CACNA2D1: variants seen among roughly 807,000 people sequenced by gnomAD.
CACNA2D1 encodes the protein calcium voltage-gated channel auxiliary subunit alpha2delta 1, also known as voltage-dependent calcium channel subunit alpha-2/delta-1.
In CACNA2D1, 53 loss-of-function variants were observed where a neutral mutation model predicts 171.5. The ratio of observed to expected loss-of-function variants is 0.31; its 90% CI spans 0.25 to 0.39. The LOEUF is 0.39. Ranked by LOEUF, CACNA2D1 falls within the 10% of genes least tolerant of loss-of-function variation. CACNA2D1 has a pLI of 1.00. For synonymous variants in CACNA2D1, 442 were observed against 443.1 expected, an observed-to-expected ratio of 1.00 and a Z score of 0.03; for missense variants, 903 against 1,299.8, an observed-to-expected ratio of 0.69 and a Z score of 4.69.
intron 3 of CACNA2D1, among the ~76,000 whole-genome samples, chr7:82,197,897 T>C (rs1346220930): frequency 2.0e-5 from 3 of 151,120 alleles, no homozygotes; most frequent in South Asian, 2.1e-4. Context: ...TGCATATATA[T>C]GACATTATGC....
intron 3 of CACNA2D1, among the ~76,000 whole-genome samples, chr7:82,322,087 C>G (rs1371709950): frequency 7.7e-6 from 1 of 129,412 alleles, no homozygotes; most frequent in African/African-American, 2.9e-5. Context: ...GATCCCGCCA[C>G]TGCACTCCAG....
At chr7:81,950,616 A>AACTT (rs1218889839) in intron 38 of CACNA2D1, 108 bp from the exon 39 acceptor site, 17 of 1,434,862 alleles carry the variant, frequency 1.2e-5, no homozygotes, top group Admixed American at 7.4e-5. Flanking sequence ...TCACTTTCTG[A>AACTT]ACTTACCTTA....
intron 1 of CACNA2D1, among the ~76,000 whole-genome samples, chr7:82,380,414 G>A (rs144059792): frequency 6.6e-6 from 1 of 151,952 alleles, no homozygotes; most frequent in Admixed American, 6.5e-5. Context: ...AGTTTTATAT[G>A]TTTGGAGAAT....
At chr7:82,091,884 G>A (rs117932895) in intron 6 of CACNA2D1, among the ~76,000 whole-genome samples, 257 of 152,130 alleles carry the variant, frequency 1.7e-3, no homozygotes, top group Admixed American at 2.7e-3. Flanking sequence ...TGTTCTATTC[G>A]TCTAAAAAAA....
chr7:82,263,104 T>C (rs1259282057), intron 3 of CACNA2D1, among the ~76,000 whole-genome samples: 3 of 142,878 alleles, frequency 2.1e-5, no homozygotes, highest in African/African-American at 7.8e-5. Context: ...TAACACCACT[T>C]TTTTTTTTTT....
intron 3 of CACNA2D1, among the ~76,000 whole-genome samples, chr7:82,234,088 T>C (rs1183005015): frequency 6.6e-6 from 1 of 152,108 alleles, no homozygotes; most frequent in African/African-American, 2.4e-5. Flanking sequence ...TTAATCCTTA[T>C]GTAGAACATA....
intron 26 of CACNA2D1, among the ~76,000 whole-genome samples, chr7:81,971,412 T>C (rs1795258297): frequency 6.6e-6 from 1 of 151,536 alleles, no homozygotes; most frequent in Non-Finnish European, 1.5e-5. Context: ...GGAGAAGAGA[T>C]TTTAAATAAG....
At chr7:82,238,822 G>T (rs1166373853) in intron 3 of CACNA2D1, among the ~76,000 whole-genome samples, 3 of 152,088 alleles carry the variant, frequency 2.0e-5, no homozygotes, top group African/African-American at 7.2e-5. Flanking sequence ...GCCACACCTA[G>T]AGTTGGCTCT....
intron 3 of CACNA2D1, among the ~76,000 whole-genome samples, chr7:82,263,849 T>C (rs1391938714): frequency 1.3e-5 from 2 of 152,038 alleles, no homozygotes; most frequent in Non-Finnish European, 2.9e-5. Context: ...AGAGAGAAGA[T>C]TACCCCAATC....
At chr7:82,398,405 T>C (rs2129451458) in intron 1 of CACNA2D1, among the ~76,000 whole-genome samples, 2 of 152,324 alleles carry the variant, frequency 1.3e-5, no homozygotes, top group Middle Eastern at 3.4e-3. Flanking sequence ...TCTTTGAAAT[T>C]CTTAATTATG....
intron 6 of CACNA2D1, among the ~76,000 whole-genome samples, chr7:82,110,201 T>A (rs1158026535): frequency 6.6e-6 from 1 of 152,174 alleles, no homozygotes; most frequent in Non-Finnish European, 1.5e-5. Context: ...ATGTTATGGA[T>A]TGGATGTTTG....
At chr7:82,327,310 A>G (rs1816775060) in intron 3 of CACNA2D1, among the ~76,000 whole-genome samples, 1 of 152,220 alleles carries the variant, frequency 6.6e-6, no homozygotes, top group African/African-American at 2.4e-5. Context: ...TAGACACAGA[A>G]GTAACAGAGT....
intron 6 of CACNA2D1, among the ~76,000 whole-genome samples, chr7:82,091,028 T>C (rs1811092698): frequency 6.6e-6 from 1 of 152,082 alleles, no homozygotes; most frequent in Non-Finnish European, 1.5e-5. Flanking sequence ...CCCTAATCTC[T>C]GAAAAGAAAG....
chr7:82,308,051 T>G (rs1368459216), intron 3 of CACNA2D1, among the ~76,000 whole-genome samples: 1 of 152,220 alleles, frequency 6.6e-6, no homozygotes, highest in Non-Finnish European at 1.5e-5. Context: ...AATTGTATGT[T>G]CAGTCCCTCT....
chr7:82,076,076 C>G (rs2128998941), intron 7 of CACNA2D1, among the ~76,000 whole-genome samples: 1 of 152,244 alleles, frequency 6.6e-6, no homozygotes, highest in East Asian at 1.9e-4. Context: ...TTAGGTATGA[C>G]TGCATCCTTG....
intron 3 of CACNA2D1, among the ~76,000 whole-genome samples, chr7:82,267,582 T>G (rs1249485479): frequency 1.3e-5 from 2 of 152,244 alleles, no homozygotes; most frequent in Non-Finnish European, 2.9e-5. Context: ...GAAGTTCTAA[T>G]AGGGTTCTAA....
At chr7:82,340,728 C>T (rs1010142447) in intron 2 of CACNA2D1, among the ~76,000 whole-genome samples, 1 of 152,074 alleles carries the variant, frequency 6.6e-6, no homozygotes, top group Non-Finnish European at 1.5e-5. Flanking sequence ...ATTACCTTCA[C>T]AATTGTGTGA....
Position 82,225,589 on chromosome 7 carries a change from C to T in CACNA2D1, c.295-54980G>A, listed in dbSNP as rs1168036665. ...GAAAAAGCCTATTCAATAGAATTGG[C>T]ATGAATCATTGATATTTATATATTT... On this transcript the variant is annotated intron_variant, in intron 3 of 38. Transcript: ENST00000356860. 2.0e-5 allele frequency among the ~76,000 whole-genome samples: 3 copies of T among 152,240 alleles called. No individual in the cohort carries two copies. In the East Asian group the frequency reaches 5.8e-4, roughly 29 times the overall value.
At chr7:82,316,756 A>T (rs1006496337) in intron 3 of CACNA2D1, among the ~76,000 whole-genome samples, 1 of 152,174 alleles carries the variant, frequency 6.6e-6, no homozygotes, top group Non-Finnish European at 1.5e-5. Context: ...AAGGCACAGG[A>T]GAAGCAAAGG....
Sources: allele counts gnomAD v4.1 joint callset (sites outside exome capture counted in the v4.1 genomes callset), GRCh38; gene constraint gnomAD v4.1.1; transcripts MANE v1.5; gene names NCBI Gene and HGNC (gene_info 2026-07-23, HGNC 2026-07-21).